Variants in THEMIS observed in about 807,000 individuals in gnomAD.
THEMIS encodes the protein protein THEMIS.
A neutral mutation model predicts 52.6 loss-of-function variants in THEMIS; 37 were observed. The ratio of observed to expected loss-of-function variants is 0.70; its 90% CI spans 0.54 to 0.93. THEMIS has a LOEUF of 0.93. Ranked by LOEUF, THEMIS falls within the 40% of genes least tolerant of loss-of-function variation. The pLI is 0.00. For synonymous variants in THEMIS, 292 were observed against 272.7 expected, an observed-to-expected ratio of 1.07 and a Z score of -0.70; for missense variants, 808 against 763.1, an observed-to-expected ratio of 1.06 and a Z score of -0.69.
chr6:127,732,829 G>A (rs1472220574), intron 4 of THEMIS, among the ~76,000 whole-genome samples: 4 of 152,098 alleles, frequency 2.6e-5, no homozygotes, highest in Non-Finnish European at 5.9e-5. Flanking sequence ...TTTTGTGCAC[G>A]TGTCACACAT....
At chr6:127,870,434 A>C (rs1351652238) in intron 1 of THEMIS, among the ~76,000 whole-genome samples, 1 of 152,238 alleles carries the variant, frequency 6.6e-6, no homozygotes, top group Non-Finnish European at 1.5e-5. Context: ...GCAGTGTCAA[A>C]GAAACAAAAA....
At chr6:127,744,093 C>T (rs1775300365) in intron 4 of THEMIS, among the ~76,000 whole-genome samples, 1 of 152,000 alleles carries the variant, frequency 6.6e-6, no homozygotes, top group Non-Finnish European at 1.5e-5. Context: ...TTGACTGCAC[C>T]AGGAAATTAT....
At chr6:127,832,676 G>A (rs867681297) in intron 2 of THEMIS, among the ~76,000 whole-genome samples, 77 of 149,082 alleles carry the variant, frequency 5.2e-4, no homozygotes, top group African/African-American at 1.8e-3. Flanking sequence ...CACATTCCAA[G>A]ACTTGAGTAA....
At position 127,830,031 on chromosome 6, in the gene THEMIS, A is replaced by G. The variant is rs539737722; in HGVS notation, c.251-97T>C. Reference sequence around the variant, plus strand: ...GAGAGTTACAACACAAGTACTGCATACATTTTTAAAGTGATATCTTTTTAA... The same window carrying G: ...GAGAGTTACAACACAAGTACTGCATGCATTTTTAAAGTGATATCTTTTTAA... On this transcript the variant is annotated intron_variant, in intron 2 of 5. Transcript: ENST00000368248. 2.1e-5 allele frequency: 17 copies of G among 821,674 alleles called. No individual in the cohort carries two copies. In the African/African-American group the frequency reaches 2.9e-4, roughly 14 times the overall value. 50.9% of individuals were successfully genotyped at this position (821,674 alleles called of 1,614,324 possible). A position where few individuals can be genotyped will look rare whatever the true frequency, so the allele number is the denominator to read the frequency against.
At chr6:127,830,308 G>T (rs1434063983) in intron 2 of THEMIS, among the ~76,000 whole-genome samples, 1 of 152,162 alleles carries the variant, frequency 6.6e-6, no homozygotes, top group Non-Finnish European at 1.5e-5. Context: ...AAAATGAGAA[G>T]ATTGGATTTG....
intron 4 of THEMIS, among the ~76,000 whole-genome samples, chr6:127,729,048 A>G (rs1029680386): frequency 1.3e-5 from 2 of 151,954 alleles, no homozygotes; most frequent in Non-Finnish European, 2.9e-5. Flanking sequence ...TCCCTATCCA[A>G]GAGGCTTTAA....
chr6:127,914,587 T>G, intron 1 of THEMIS, among the ~76,000 whole-genome samples: 1 of 152,190 alleles, frequency 6.6e-6, no homozygotes, highest in African/African-American at 2.4e-5. Context: ...TGTAGGCAAC[T>G]GTAACACAGT....
Position 127,813,693 on chromosome 6 carries a change from T to G in THEMIS, c.948A>C (p.Ser316=). 1.2e-6 allele frequency: 2 copies of G among 1,614,162 alleles called. No individual in the cohort carries two copies. The highest frequency in any genetic ancestry group is 1.7e-6 in the Non-Finnish European group (2 of 1,180,016). ...TTCTAATTTCTGAAGCTAAGATTCTTGATGCCTGGTACTTTTTGTGGATCA... is the reference window on the plus strand; with the variant it reads ...TTCTAATTTCTGAAGCTAAGATTCTGGATGCCTGGTACTTTTTGTGGATCA... ...TIVIHKKYQA[S]RILASEIRSN... The change falls in exon 4 of 6, where the codon TCA becomes TCC. Residue 316 remains serine, a synonymous_variant. Transcript: ENST00000368248.
intron 1 of THEMIS, among the ~76,000 whole-genome samples, chr6:127,856,520 T>C (rs1029243855): frequency 1.3e-5 from 2 of 151,966 alleles, no homozygotes; most frequent in African/African-American, 4.8e-5. Flanking sequence ...AGCGAGCTAC[T>C]AATGTCCCCA....
chr6:127,863,204 A>C (rs1383066135), intron 1 of THEMIS, among the ~76,000 whole-genome samples: 1 of 152,206 alleles, frequency 6.6e-6, no homozygotes, highest in Admixed American at 6.5e-5. Flanking sequence ...TTTCATTTAC[A>C]TCTCTAAGTG....
At chr6:127,806,236 G>C (rs1429075848) in intron 4 of THEMIS, among the ~76,000 whole-genome samples, 1 of 152,022 alleles carries the variant, frequency 6.6e-6, no homozygotes, top group Non-Finnish European at 1.5e-5. Flanking sequence ...GAAATCTAGT[G>C]CAAAATAATT....
upstream of THEMIS, among the ~76,000 whole-genome samples, chr6:127,904,052 AAG>A (rs1781210398): frequency 6.6e-6 from 1 of 152,076 alleles, no homozygotes; most frequent in Non-Finnish European, 1.5e-5. Context: ...AACTGGCACC[AAG>A]AGAGAGTCTG....
chr6:127,840,957 G>A (rs1269754284), intron 2 of THEMIS, among the ~76,000 whole-genome samples: 1 of 152,078 alleles, frequency 6.6e-6, no homozygotes, highest in Non-Finnish European at 1.5e-5. Context: ...AGAGGGGAAT[G>A]AGTAGGCGGA....
intron 1 of THEMIS, among the ~76,000 whole-genome samples, chr6:127,890,882 G>C (rs578198089): frequency 6.6e-6 from 1 of 151,878 alleles, no homozygotes; most frequent in East Asian, 1.9e-4. Flanking sequence ...AATATCAATA[G>C]AGAAATACAT....
intron 1 of THEMIS, among the ~76,000 whole-genome samples, chr6:127,899,925 A>AT (rs1390596593): frequency 2.1e-5 from 3 of 144,278 alleles, no homozygotes; most frequent in Non-Finnish European, 4.5e-5. Context: ...ATATATATAT[A>AT]ATATATATAA....
chr6:127,757,656 G>A lies in THEMIS; in HGVS notation c.1759-37833C>T, dbSNP rs529354433. On this transcript the variant is annotated intron_variant, in intron 4 of 5. Coordinates refer to ENST00000368248, the MANE Select transcript of THEMIS (RefSeq NM_001010923.3). ...CGCCACCACGCCCGGCTAGATTTTC[G>A]TATTTTTTAGTAGAGACGGGGTTTC... Among the ~76,000 whole-genome samples, 12 of 151,984 alleles carry A rather than the reference G, an allele frequency of 7.9e-5. No homozygotes were observed. In the South Asian group the frequency reaches 1.5e-3, roughly 18 times the overall value.
intron 4 of THEMIS, among the ~76,000 whole-genome samples, chr6:127,761,950 C>T (rs1045991409): frequency 3.9e-5 from 6 of 152,094 alleles, no homozygotes; most frequent in African/African-American, 1.4e-4. Context: ...GATAGGAGCA[C>T]TTCTATGTTC....
intron 1 of THEMIS, among the ~76,000 whole-genome samples, chr6:127,900,327 T>C (rs1288697903): frequency 6.6e-6 from 1 of 151,970 alleles, no homozygotes; most frequent in Non-Finnish European, 1.5e-5. Flanking sequence ...TACCTTCAAA[T>C]TAAAATTTTC....
At chr6:127,892,813 A>G in intron 1 of THEMIS, among the ~76,000 whole-genome samples, 1 of 152,140 alleles carries the variant, frequency 6.6e-6, no homozygotes, top group East Asian at 1.9e-4. Context: ...ATTCATGCCT[A>G]CAATAACTTT....
Sources: gnomAD v4.1 joint callset for allele counts (sites outside exome capture counted in the v4.1 genomes callset) on GRCh38, gnomAD v4.1.1 for gene constraint, MANE v1.5 for transcripts, NCBI Gene and HGNC (gene_info 2026-07-23, HGNC 2026-07-21) for gene names.